The following RNF145 variants were observed in gnomAD, a reference collection of about 807,000 sequenced individuals.
The protein encoded by RNF145 is ring finger protein 145.
RNF145 carries 12 observed loss-of-function variants against 57.3 expected under a neutral mutation model. The observed-to-expected ratio is 0.21, with a 90% confidence interval of 0.13 to 0.34. RNF145 has a LOEUF of 0.34. Among genes scored for constraint, RNF145 ranks in the 10% least tolerant of loss-of-function variants. The probability of loss-of-function intolerance (pLI) is 1.00; values close to 1 mark genes in which losing one functional copy is unlikely to be tolerated. For missense variants in RNF145, 429 were observed against 799.0 expected (o/e 0.54, Z 5.58); for synonymous variants, 262 against 288.3 (o/e 0.91, Z 0.92).
rs1051586740 is a variant in RNF145, at chr5:159,209,498, C to CCGGCGTCGGCGGCGG, written c.-308_-307insCCGCCGCCGACGCCG. 2.4e-5 allele frequency: 8 copies of CCGGCGTCGGCGGCGG among 339,946 alleles called. No individual in the cohort carries two copies. The East Asian group carries it at 3.9e-3, about 166-fold the overall frequency. The allele number at this position is 339,946 out of a possible 1,614,324, so 21.1% of individuals were successfully genotyped here. On this transcript the variant is annotated 5_prime_UTR_variant, in exon 1 of 11. Coordinates refer to ENST00000424310, the MANE Select transcript of RNF145 (RefSeq NM_001199383.2). ...GGGCCGAGCCCCTTAGCAGCCGGCG[C>CCGGCGTCGGCGGCGG]CGGCGTCGGCGGCCATGGCCTCCTG...
chr5:159,173,174 G>A (rs910411161), intron 6 of RNF145, among the ~76,000 whole-genome samples: 13 of 152,092 alleles, frequency 8.5e-5, no homozygotes, highest in African/African-American at 2.9e-4. Flanking sequence ...TGCAGCCCAG[G>A]ACAGCTTTGA....
At position 159,158,397 on chromosome 5, in the gene RNF145, T is replaced by C. The variant is rs985562388; in HGVS notation, c.*273A>G. On this transcript the variant is annotated 3_prime_UTR_variant, in exon 11 of 11. Coordinates refer to ENST00000424310, the MANE Select transcript of RNF145 (RefSeq NM_001199383.2). ...CACGTATCAGGGGCAGTTTCTGAAG[T>C]TGCTGAGGTTGAATTTTCTTCACAA... The C allele has an allele frequency of 5.1e-6, 2 of 388,526 alleles. No homozygotes were observed. Among genetic ancestry groups the C allele is most frequent in the Non-Finnish European group, 9.4e-6 (2 of 212,810 alleles). 24.1% of individuals were successfully genotyped at this position (388,526 alleles called of 1,614,324 possible). A position where few individuals can be genotyped will look rare whatever the true frequency, so the allele number is the denominator to read the frequency against.
At chr5:159,209,734 G>T, upstream of RNF145, 3 of 1,129,626 alleles carry the variant, frequency 2.7e-6, no homozygotes, top group Admixed American at 2.0e-5. Context: ...GGCTCGGGTG[G>T]CTATGGAGAG....
At chr5:159,186,076 A>C (rs1386528309) in intron 3 of RNF145, among the ~76,000 whole-genome samples, 2 of 152,064 alleles carry the variant, frequency 1.3e-5, no homozygotes, top group African/African-American at 2.4e-5. Flanking sequence ...AAAAAATACA[A>C]CAATTAGCCA....
chr5:159,174,332 AACTT>A (rs1450955434), intron 5 of RNF145, among the ~76,000 whole-genome samples, 174 bp from the exon 6 acceptor site: 4 of 152,218 alleles, frequency 2.6e-5, no homozygotes, highest in Non-Finnish European at 4.4e-5. Context: ...TGTTTTTTAA[AACTT>A]ACTAATTTTG....
chr5:159,186,713 C>T (rs1785069589), intron 3 of RNF145, among the ~76,000 whole-genome samples: 1 of 152,158 alleles, frequency 6.6e-6, no homozygotes, highest in South Asian at 2.1e-4. Flanking sequence ...TGTTGACACC[C>T]TTTCTTTAGT....
Position 159,158,708 on chromosome 5 carries a change from T to G in RNF145, c.1954A>C (p.Ser652Arg), listed in dbSNP as rs759202888. Residue 652 changes from serine (S) to arginine (R), a missense_variant, in exon 11 of 11, where the codon AGT becomes CGT. By Grantham distance (110) the Ser-to-Arg change is moderately radical. Coordinates refer to ENST00000424310, the MANE Select transcript of RNF145 (RefSeq NM_001199383.2). ...GAFDPKEYPHSAKDEAHPVES... is the reference protein window; with the variant it reads ...GAFDPKEYPHRAKDEAHPVES... ...ACAGGATGTGCTTCATCTTTCGCAC[T>G]GTGAGGATATTCTTTGGGGTCAAAA... 4 of 1,613,974 alleles carry G rather than the reference T, an allele frequency of 2.5e-6. No homozygotes were observed. The highest frequency in any genetic ancestry group is 3.4e-6 in the Non-Finnish European group (4 of 1,179,834).
rs1344581956 is a variant in RNF145 at position 159,158,631 on chromosome 5, C to T, written c.*39G>A. 6.3e-7 allele frequency: 1 copy of T among 1,586,470 alleles called. No homozygotes were observed. The highest frequency in any genetic ancestry group is 8.6e-7 in the Non-Finnish European group (1 of 1,164,376). On this transcript the variant is annotated 3_prime_UTR_variant, in exon 11 of 11. Coordinates refer to ENST00000424310, the MANE Select transcript of RNF145 (RefSeq NM_001199383.2). ...TGAATTCCATCTTGAGTTAACTTCT[C>T]CTCCAGAGTATCAAAGCATCATTCC... is the stretch of plus-strand genomic sequence containing the variant.
At chr5:159,198,147 T>G (rs1785522256) in intron 2 of RNF145, among the ~76,000 whole-genome samples, 1 of 151,688 alleles carries the variant, frequency 6.6e-6, no homozygotes, top group Non-Finnish European at 1.5e-5. Flanking sequence ...GAGGCTGAGG[T>G]GGGAGGATCA....
chr5:159,188,680 A>C (rs1328743087), intron 3 of RNF145, among the ~76,000 whole-genome samples: 2 of 152,342 alleles, frequency 1.3e-5, no homozygotes, highest in East Asian at 3.8e-4. Context: ...CAATTAGAAT[A>C]TCAATATTAA....
chr5:159,204,595 C>T (rs1399463901), intron 1 of RNF145, among the ~76,000 whole-genome samples: 1 of 152,008 alleles, frequency 6.6e-6, no homozygotes, highest in African/African-American at 2.4e-5. Flanking sequence ...CATGAGGTCA[C>T]GAGTTCGAGA....
At chr5:159,164,684 G>A (rs1236996294) in intron 8 of RNF145, among the ~76,000 whole-genome samples, 2 of 152,112 alleles carry the variant, frequency 1.3e-5, no homozygotes, top group Admixed American at 6.5e-5. Flanking sequence ...CGTGCAATAG[G>A]TTAAGTACTA....
At chr5:159,196,215 T>A (rs1308046225) in intron 2 of RNF145, among the ~76,000 whole-genome samples, 1 of 145,388 alleles carries the variant, frequency 6.9e-6, no homozygotes, top group Admixed American at 7.2e-5. Context: ...ATAAACTTTC[T>A]TAAAATATTA....
chr5:159,161,389 C>T lies in RNF145; in HGVS notation c.1503G>A (p.Arg501=), dbSNP rs1337750343. 1.9e-6 allele frequency: 3 copies of T among 1,614,008 alleles called. No homozygotes were observed. In the African/African-American group the frequency reaches 4.0e-5, roughly 22 times the overall value. ...GAAAGCTCTTCCACCCCAGCTGGGC[C>T]CGAAGCCACACGTTATAGTAGGAAT... ...FIHSYYNVWL[R]AQLGWKSFLL... Residue 501 remains arginine (R), a synonymous_variant, in exon 10 of 11, where the codon CGG becomes CGA. Transcript: ENST00000424310.
At chr5:159,186,691 GTTTA>G (rs1785068834) in intron 3 of RNF145, among the ~76,000 whole-genome samples, 1 of 152,092 alleles carries the variant, frequency 6.6e-6, no homozygotes, top group African/African-American at 2.4e-5. Context: ...TTTACCCAGA[GTTTA>G]TTTAAACTGT....
intron 8 of RNF145, among the ~76,000 whole-genome samples, chr5:159,167,702 T>C (rs1562050278): frequency 6.6e-6 from 1 of 152,156 alleles, no homozygotes; most frequent in Non-Finnish European, 1.5e-5. Context: ...ACCTTAAACC[T>C]CACAAACAAA....
chr5:159,205,678 C>T (rs1785853815), intron 1 of RNF145, among the ~76,000 whole-genome samples: 1 of 152,204 alleles, frequency 6.6e-6, no homozygotes, highest in Non-Finnish European at 1.5e-5. Context: ...GACAGTATTA[C>T]TGACAGTCTT....
chr5:159,194,733 A>G lies in RNF145; in HGVS notation c.276T>C (p.Ala92=). The G allele has an allele frequency of 1.2e-6, 2 of 1,608,634 alleles. No homozygotes were observed. The highest frequency in any genetic ancestry group is 2.2e-5 in the South Asian group (2 of 90,620). ...LYFLTALLLY[A]GHQISRDYVR... is the part of the protein sequence containing the mutation. ...ATTCTTACCTGGAAATTTGATGTCCAGCATAGAGGAGCAGAGCAGTCAAAA... is the reference window on the plus strand; with the variant it reads ...ATTCTTACCTGGAAATTTGATGTCCGGCATAGAGGAGCAGAGCAGTCAAAA... Residue 92 remains alanine (A), a synonymous_variant, in exon 3 of 11, where the codon GCT becomes GCC. Coordinates refer to ENST00000424310, the MANE Select transcript of RNF145 (RefSeq NM_001199383.2).
intron 3 of RNF145, among the ~76,000 whole-genome samples, chr5:159,182,893 A>T (rs1355923436): frequency 2.0e-5 from 3 of 152,096 alleles, no homozygotes; most frequent in Non-Finnish European, 4.4e-5. Context: ...TGCTTTATTC[A>T]TTGTATTTAA....
Sources: allele counts gnomAD v4.1 joint callset (sites outside exome capture counted in the v4.1 genomes callset), GRCh38; gene constraint gnomAD v4.1.1; transcripts MANE v1.5; gene names NCBI Gene and HGNC (gene_info 2026-07-23, HGNC 2026-07-21).